Variants in WDFY3 observed in about 807,000 individuals in gnomAD.
WDFY3 encodes the protein WD repeat and FYVE domain-containing protein 3.
WDFY3 carries 66 observed loss-of-function variants against 409.6 expected under a neutral mutation model. That is an observed-to-expected ratio of 0.16 (90% CI 0.13 to 0.20). The LOEUF is 0.20. Among genes scored for constraint, WDFY3 ranks in the 10% least tolerant of loss-of-function variants. The pLI, the probability that WDFY3 is intolerant of heterozygous loss-of-function variation, is 1.00. For missense variants in WDFY3, 3,031 were observed against 4,298.1 expected, an observed-to-expected ratio of 0.71 and a Z score of 8.24; for synonymous variants, 1,521 against 1,537.1, an observed-to-expected ratio of 0.99 and a Z score of 0.25.
intron 2 of WDFY3, among the ~76,000 whole-genome samples, chr4:84,903,796 A>G (rs1206296384): frequency 6.6e-6 from 1 of 152,174 alleles, no homozygotes; most frequent in Non-Finnish European, 1.5e-5. Context: ...ACATTAAAGA[A>G]TCGGTTTCAG....
At chr4:84,930,509 G>A (rs1032274637) in intron 2 of WDFY3, among the ~76,000 whole-genome samples, 1 of 152,160 alleles carries the variant, frequency 6.6e-6, no homozygotes, top group African/African-American at 2.4e-5. Flanking sequence ...CACAAAGCTA[G>A]TACGTGGCGA....
chr4:84,907,750 A>T (rs1374697099), intron 2 of WDFY3, among the ~76,000 whole-genome samples: 1 of 151,918 alleles, frequency 6.6e-6, no homozygotes, highest in African/African-American at 2.4e-5. Context: ...TGGCCCAGTC[A>T]CTGTACCAGG....
chr4:84,830,534 G>C (rs988417884), intron 8 of WDFY3, among the ~76,000 whole-genome samples: 1 of 152,112 alleles, frequency 6.6e-6, no homozygotes, highest in African/African-American at 2.4e-5. Context: ...GGTTTATTGG[G>C]ACATAACCCC....
intron 58 of WDFY3, among the ~76,000 whole-genome samples, chr4:84,695,503 G>GAGAGAT (rs1342326204): frequency 8.4e-5 from 11 of 131,318 alleles, no homozygotes; most frequent in Admixed American, 3.1e-4. Flanking sequence ...CAGAGACAGA[G>GAGAGAT]AGAGATAGAG....
chr4:84,894,807 G>T (rs989823807), intron 3 of WDFY3, among the ~76,000 whole-genome samples: 4 of 151,526 alleles, frequency 2.6e-5, no homozygotes, highest in Admixed American at 1.3e-4. Context: ...AAAATTAGCC[G>T]GTTGTAGTGG....
chr4:84,894,301 A>G (rs1372250514), intron 3 of WDFY3, among the ~76,000 whole-genome samples: 1 of 152,218 alleles, frequency 6.6e-6, no homozygotes, highest in East Asian at 1.9e-4. Flanking sequence ...TCAAATTGTC[A>G]TGTACTTATG....
chr4:84,702,202 ACCACAC>A, intron 56 of WDFY3, 145 bp downstream of exon 56: 2 of 856,388 alleles, frequency 2.3e-6, no homozygotes, highest in South Asian at 4.9e-5. Flanking sequence ...ATCACATGTA[ACCACAC>A]CCAATTACAG....
At chr4:84,737,471 T>C (rs566101943) in intron 40 of WDFY3, 105 bp from the exon 41 acceptor site, 2 of 1,289,344 alleles carry the variant, frequency 1.6e-6, no homozygotes, top group South Asian at 3.6e-5. Flanking sequence ...GAATTTCGAC[T>C]ACAGTATTTA....
intron 57 of WDFY3, 38 bp downstream of exon 57, chr4:84,696,694 T>C (rs1337803416): frequency 7.5e-6 from 12 of 1,597,948 alleles, no homozygotes; most frequent in Admixed American, 1.7e-5. Context: ...AATGACCAAA[T>C]GAAATTCAAC....
intron 67 of WDFY3, 101 bp downstream of exon 67, chr4:84,677,098 T>C: frequency 7.3e-7 from 1 of 1,361,542 alleles, no homozygotes; most frequent in East Asian, 2.4e-5. Flanking sequence ...AGGCATACTG[T>C]AGTGGGGACG....
chr4:84,761,780 A>G (rs1578404694), intron 32 of WDFY3, among the ~76,000 whole-genome samples: 1 of 152,136 alleles, frequency 6.6e-6, no homozygotes, highest in East Asian at 1.9e-4. Flanking sequence ...AAAACAAACA[A>G]CCCCATCAAA....
Position 84,884,274 on chromosome 4 carries a change from A to G in WDFY3, c.-32+12637T>C, listed in dbSNP as rs181846095. ...ATATTTCAACTTGTTTTTTAAAGCAACCTATTTCTAATGTGAAACTTATTA... is the reference window on the plus strand; with the variant it reads ...ATATTTCAACTTGTTTTTTAAAGCAGCCTATTTCTAATGTGAAACTTATTA... On this transcript the variant is annotated intron_variant, in intron 3 of 67. Transcript: ENST00000295888. Among the ~76,000 whole-genome samples, 234 of 152,116 alleles carry G rather than the reference A, an allele frequency of 1.5e-3. 1 individual carries two copies. The highest frequency in any genetic ancestry group is 0.01 in the Middle Eastern group (3 of 294).
At chr4:84,677,155 G>A (rs1267615936) in intron 67 of WDFY3, 44 bp downstream of exon 67, 1 of 1,608,462 alleles carries the variant, frequency 6.2e-7, no homozygotes, top group African/African-American at 1.3e-5. Flanking sequence ...AACAACCTTA[G>A]AGCTTAATCA....
intron 35 of WDFY3, among the ~76,000 whole-genome samples, chr4:84,752,156 A>G (rs1245258695): frequency 2.6e-5 from 4 of 152,170 alleles, no homozygotes; most frequent in Non-Finnish European, 4.4e-5. Context: ...AAATTTAAAA[A>G]AAAAACAACA....
intron 3 of WDFY3, among the ~76,000 whole-genome samples, chr4:84,895,531 T>C (rs1579028324): frequency 6.6e-6 from 1 of 152,132 alleles, no homozygotes; most frequent in South Asian, 2.1e-4. Flanking sequence ...AGGGTGAATA[T>C]GGAGAAAAGC....
intron 3 of WDFY3, among the ~76,000 whole-genome samples, chr4:84,865,479 T>C (rs1160345888): frequency 2.6e-5 from 4 of 152,198 alleles, no homozygotes; most frequent in Non-Finnish European, 5.9e-5. Context: ...TAATATCTGA[T>C]TGGGTGGCCA....
At chr4:84,777,842 T>A (rs1430243029) in intron 27 of WDFY3, among the ~76,000 whole-genome samples, 1 of 152,062 alleles carries the variant, frequency 6.6e-6, no homozygotes, top group Non-Finnish European at 1.5e-5. Flanking sequence ...ATTTAGTACA[T>A]AATAACTAAC....
At chr4:84,949,046 T>C (rs964602107) in intron 1 of WDFY3, among the ~76,000 whole-genome samples, 1 of 152,160 alleles carries the variant, frequency 6.6e-6, no homozygotes, top group African/African-American at 2.4e-5. Context: ...GAACTTTTCC[T>C]CAGCGCCTGT....
chr4:84,744,628 C>T (rs997240258), intron 36 of WDFY3, among the ~76,000 whole-genome samples: 11 of 151,258 alleles, frequency 7.3e-5, no homozygotes, highest in Admixed American at 5.3e-4. Flanking sequence ...CCGAGGCGGG[C>T]GGATCACGAG....
Sources: allele counts gnomAD v4.1 joint callset (sites outside exome capture counted in the v4.1 genomes callset), GRCh38; gene constraint gnomAD v4.1.1; transcripts MANE v1.5; gene names NCBI Gene and HGNC (gene_info 2026-07-23, HGNC 2026-07-21).